The following NOC2L variants were observed in gnomAD, a reference collection of about 807,000 sequenced individuals.
NOC2L encodes the protein NOC2 like nucleolar associated transcriptional repressor, also known as nucleolar complex protein 2 homolog.
In NOC2L, 101 loss-of-function variants were observed where a neutral mutation model predicts 94.2. The observed-to-expected ratio is 1.07, with a 90% confidence interval of 0.91 to 1.26. The LOEUF is 1.26. Among genes scored for constraint, NOC2L ranks in the 50% most tolerant of loss-of-function variants. The pLI is 0.00. For missense variants in NOC2L, 1,076 were observed against 980.1 expected (o/e 1.10, Z -1.31); for synonymous variants, 531 against 413.4 (o/e 1.28, Z -3.45).
At position 944,283 on chromosome 1, in the gene NOC2L, A is replaced by C; in HGVS notation, c.*411T>G. 1 of 1,428,788 alleles carries C rather than the reference A, an allele frequency of 7.0e-7. No homozygotes were observed. Among genetic ancestry groups the C allele is most frequent in the Non-Finnish European group, 9.1e-7 (1 of 1,093,882 alleles). The allele number at this position is 1,428,788 out of a possible 1,614,324, so 88.5% of individuals were successfully genotyped here. A position where few individuals can be genotyped will look rare whatever the true frequency, so the allele number is the denominator to read the frequency against. ...ACAAAAAATTTTAAAAGAAAATGTG[A>C]CTTCAAAGGAAAGGAACAAATTTTC... On this transcript the variant is annotated 3_prime_UTR_variant, in exon 19 of 19. Transcript: ENST00000327044.
chr1:958,950 G>A lies in NOC2L; in HGVS notation c.158C>T (p.Pro53Leu), dbSNP rs144217019. ...TAACCTGGCCGAGGGGCTCCCGCCC[G>A]GCTTATCCGGACTCCGGGCAGCCTC... Reference protein sequence around the residue: ...AREAARSPDKPGGSPSASRRK... With the variant: ...AREAARSPDKLGGSPSASRRK... The change falls in exon 2 of 19, where the codon CCG becomes CTG. Residue 53 changes from proline (P) to leucine (L), a missense_variant. Around this residue, in one of 3 missense-constraint regions of NOC2L, gnomAD observed 457 missense variants for 386.0 expected, o/e 1.18. Coordinates refer to ENST00000327044, the MANE Select transcript of NOC2L (RefSeq NM_015658.4). 1,325 of 1,612,724 alleles carry A rather than the reference G, an allele frequency of 8.2e-4. 2 individuals carry two copies. Among genetic ancestry groups the A allele is most frequent in the Middle Eastern group, 1.2e-3 (7 of 6,060 alleles).
chr1:952,682 T>C, intron 9 of NOC2L, 82 bp from the exon 10 acceptor site: 5 of 1,387,168 alleles, frequency 3.6e-6, no homozygotes, highest in Non-Finnish European at 5.1e-6. Flanking sequence ...TGTGAACACC[T>C]GGGCCTTTCC....
At chr1:954,398 C>T (rs1569950578) in intron 6 of NOC2L, 2 of 340,548 alleles carry the variant, frequency 5.9e-6, no homozygotes, top group East Asian at 9.8e-5. Context: ...TTTCTAGGTC[C>T]CCTTGATCAC....
intron 9 of NOC2L, 142 bp downstream of exon 9, chr1:953,033 C>G: frequency 2.5e-5 from 16 of 644,676 alleles, no homozygotes; most frequent in Non-Finnish European, 4.5e-5. Context: ...GTGAGACATT[C>G]GTGATCCAAG....
At position 946,574 on chromosome 1, in the gene NOC2L, G is replaced by A. The variant is rs780604113; in HGVS notation, c.1660-29C>T. ...CGGAAGGGAGGGGTCAGCCACTGAA[G>A]CCCAGGACCGCTCCATGTGCACAGC... On this transcript the variant is annotated intron_variant, in intron 14 of 18. Transcript: ENST00000327044. The A allele has an allele frequency of 2.5e-6, 4 of 1,604,740 alleles. No individual in the cohort carries two copies. In the South Asian group the frequency reaches 3.3e-5, roughly 13 times the overall value.
chr1:945,208 A>T, intron 17 of NOC2L, 62 bp from the exon 18 acceptor site: 1 of 1,537,422 alleles, frequency 6.5e-7, no homozygotes, highest in South Asian at 1.2e-5. Flanking sequence ...GCAAAGTCAC[A>T]GTGGGGGCAG....
intron 6 of NOC2L, 117 bp from the exon 7 acceptor site, chr1:954,199 C>A (rs758721269): frequency 7.8e-6 from 7 of 902,088 alleles, no homozygotes; most frequent in African/African-American, 1.7e-5. Context: ...AGAGACCCCC[C>A]GTCTCTCCAC....
intron 2 of NOC2L, chr1:957,647 G>A (rs917864278): frequency 3.5e-5 from 8 of 225,750 alleles, no homozygotes; most frequent in East Asian, 9.7e-5. Context: ...TACCCAGCAC[G>A]CAACTTGTCA....
rs1458350532 is a variant in NOC2L, at chr1:944,739, C to G, written c.2205G>C (p.Gly735=). 2.5e-6 allele frequency: 4 copies of G among 1,600,840 alleles called. No homozygotes were observed. In the South Asian group the frequency reaches 3.3e-5, roughly 13 times the overall value. The change falls in exon 19 of 19, where the codon GGG becomes GGC. Residue 735 remains glycine (G), a synonymous_variant. Transcript: ENST00000327044. ...GCAGATCCTCCAGCTCGTCCTCCGG[C>G]CCCTGGGCCAGCTGCTGCAGCTCCC... The part of the protein sequence containing the change: ...APGELQQLAQ[G]PEDELEDLQL...
intron 12 of NOC2L, among the ~76,000 whole-genome samples, chr1:950,299 G>A (rs748827568): frequency 1.4e-4 from 22 of 151,750 alleles, no homozygotes; most frequent in South Asian, 1.2e-3. Flanking sequence ...GTGCACACAG[G>A]TACATAGATG....
chr1:945,429 G>C, intron 17 of NOC2L, 89 bp downstream of exon 17: 3 of 1,482,010 alleles, frequency 2.0e-6, no homozygotes, highest in Non-Finnish European at 2.8e-6. Flanking sequence ...CCCCCTGCAG[G>C]ATGGGTACAG....
intron 10 of NOC2L, 36 bp downstream of exon 10, chr1:952,376 T>C (rs1457038920): frequency 1.2e-6 from 2 of 1,606,332 alleles, no homozygotes; most frequent in Admixed American, 1.7e-5. Context: ...CCCCACCCCA[T>C]GCCCAGCATG....
At position 944,792 on chromosome 1, in the gene NOC2L, G is replaced by A. The variant is rs1027543032; in HGVS notation, c.2152C>T (p.Pro718Ser). The A allele has an allele frequency of 6.3e-6, 10 of 1,585,902 alleles. No homozygotes were observed. The African/African-American group carries it at 1.4e-4, about 21-fold the overall frequency. Residue 718 changes from proline (P) to serine (S), a missense_variant, in exon 19 of 19, where the codon CCA becomes TCA. This residue lies in a region of NOC2L where 615 missense variants were observed against 577.4 expected (regional missense o/e 1.07). Coordinates refer to ENST00000327044, the MANE Select transcript of NOC2L (RefSeq NM_015658.4). ...GGGGCCAGCCCCGCCTCTGCGTCTG[G>A]GTCTCCATCTGCGGGGAGAGATGGA... ...EDSSNSEDGDPDAEAGLAPGE... is the reference protein window; with the variant it reads ...EDSSNSEDGDSDAEAGLAPGE...
rs898517365 is a variant in NOC2L, at chr1:944,618, T to C, written c.*76A>G. ...CCCCAACTGCACAGACGCCAGCCTC[T>C]AGGCCTGACTGCCAGGGAGGTGGAA... On this transcript the variant is annotated 3_prime_UTR_variant, in exon 19 of 19. Transcript: ENST00000327044. 1 of 900,538 alleles carries C rather than the reference T, an allele frequency of 1.1e-6. No homozygotes were observed. The highest frequency in any genetic ancestry group is 1.4e-5 in the South Asian group (1 of 69,520). 55.8% of individuals were successfully genotyped at this position (900,538 alleles called of 1,614,324 possible).
chr1:944,527 T>G lies in NOC2L; in HGVS notation c.*167A>C. 1.6e-6 allele frequency: 1 copy of G among 623,712 alleles called. No individual in the cohort carries two copies. Among genetic ancestry groups the G allele is most frequent in the Non-Finnish European group, 2.7e-6 (1 of 369,160 alleles). 38.6% of individuals were successfully genotyped at this position (623,712 alleles called of 1,614,324 possible). On this transcript the variant is annotated 3_prime_UTR_variant, in exon 19 of 19. Coordinates refer to ENST00000327044, the MANE Select transcript of NOC2L (RefSeq NM_015658.4). The stretch of plus-strand genomic sequence containing the variant: ...CCACACCAGCCCAGCCCAGCCCAGC[T>G]CTCGATACGTTTGGTCTTTCATGCT...
chr1:945,113 A>G lies in NOC2L; in HGVS notation c.2087T>C (p.Val696Ala). Reference protein sequence around the residue: ...ILRPLSTRHGVEDDEEDEEEG... With the variant: ...ILRPLSTRHGAEDDEEDEEEG... ...CTCCTCGTCCTCTTCATCGTCTTCC[A>G]CCCCATGCCGAGTGCTCAGGGGCCT... Residue 696 changes from valine (V) to alanine (A), a missense_variant, in exon 18 of 19, where the codon GTG (valine) becomes GCG (alanine). Transcript: ENST00000327044. 3.7e-6 allele frequency: 6 copies of G among 1,612,792 alleles called. No homozygotes were observed. Among genetic ancestry groups the G allele is most frequent in the Non-Finnish European group, 5.1e-6 (6 of 1,179,390 alleles).
At chr1:953,760 G>A in intron 8 of NOC2L, 22 bp downstream of exon 8, 1 of 1,563,478 alleles carries the variant, frequency 6.4e-7, no homozygotes, top group Non-Finnish European at 8.8e-7. Context: ...GACAGACACA[G>A]GGAGGGGACT....
Position 945,056 on chromosome 1 carries a change from C to T in NOC2L, c.2143+1G>A, listed in dbSNP as rs561623328. 2 of 1,614,152 alleles carry T rather than the reference C, an allele frequency of 1.2e-6. No homozygotes were observed. Among genetic ancestry groups the T allele is most frequent in the Non-Finnish European group, 1.7e-6 (2 of 1,179,984 alleles). On this transcript the variant is annotated splice_donor_variant, in intron 18 of 18. Coordinates refer to ENST00000327044, the MANE Select transcript of NOC2L (RefSeq NM_015658.4). LOFTEE classifies it high-confidence loss of function. ...CACCCTCTCACCCCAAGACCATTCA[C>T]CCTCCGAGTTGCTGCTGTCCTCCTC... is the stretch of plus-strand genomic sequence containing the variant.
chr1:958,816 G>T (rs573385523), intron 2 of NOC2L, 113 bp downstream of exon 2: 2 of 1,035,458 alleles, frequency 1.9e-6, no homozygotes, highest in Admixed American at 3.5e-5. Flanking sequence ...GGACTGGGGG[G>T]CAGAGGTCGG....
Sources: gnomAD v4.1 joint callset for allele counts (sites outside exome capture counted in the v4.1 genomes callset) on GRCh38, gnomAD v4.1.1 for gene constraint, gnomAD v4.1.1 regional missense constraint, MANE v1.5 for transcripts, NCBI Gene and HGNC (gene_info 2026-07-23, HGNC 2026-07-21) for gene names.